ZNF44: variants seen among roughly 807,000 people sequenced by gnomAD.
The protein encoded by ZNF44 is zinc finger protein 44.
A neutral mutation model predicts 11.7 loss-of-function variants in ZNF44; 9 were observed. The observed-to-expected ratio is 0.77, with a 90% confidence interval of 0.46 to 1.35. The LOEUF is 1.35. ZNF44 is among the 40% of genes most tolerant of loss of function. The probability of loss-of-function intolerance (pLI) is 0.00; values close to 1 mark genes in which losing one functional copy is unlikely to be tolerated. For synonymous variants in ZNF44, 224 were observed against 242.7 expected (o/e 0.92, Z 0.72); for missense variants, 696 against 743.1 (o/e 0.94, Z 0.74).
intron 5 of ZNF44, chr19:12,260,546 C>T (rs1917466786): frequency 1.1e-5 from 9 of 836,890 alleles, no homozygotes; most frequent in Non-Finnish European, 1.2e-5. Context: ...GAGCCCCCTG[C>T]CCCCAAAGCA....
At chr19:12,251,188 G>A (rs1916976725) in intron 5 of ZNF44, among the ~76,000 whole-genome samples, 2 of 152,048 alleles carry the variant, frequency 1.3e-5, no homozygotes, top group African/African-American at 2.4e-5. Flanking sequence ...AAAATTAGCT[G>A]GGTGTGGTGG....
intron 5 of ZNF44, among the ~76,000 whole-genome samples, chr19:12,255,153 A>T (rs1917193582): frequency 6.6e-6 from 1 of 152,054 alleles, no homozygotes; most frequent in Admixed American, 6.6e-5. Flanking sequence ...GGACACAGCA[A>T]AAGTATATAC....
intron 2 of ZNF44, among the ~76,000 whole-genome samples, chr19:12,234,134 G>A (rs1048211772): frequency 8.3e-4 from 126 of 151,908 alleles, no homozygotes; most frequent in African/African-American, 2.9e-3. Flanking sequence ...ATTGCTACCA[G>A]TATCACAGAA....
At chr19:12,292,348 T>A (rs1466333540) in intron 1 of ZNF44, among the ~76,000 whole-genome samples, 1 of 152,158 alleles carries the variant, frequency 6.6e-6, no homozygotes, top group Non-Finnish European at 1.5e-5. Context: ...AATAGAAAAC[T>A]ACATATATAT....
At chr19:12,238,799 A>G (rs1364406859), upstream of ZNF44, among the ~76,000 whole-genome samples, 1 of 152,136 alleles carries the variant, frequency 6.6e-6, no homozygotes, top group East Asian at 1.9e-4. Flanking sequence ...TCATTTCAAA[A>G]AATGGGAAGA....
chr19:12,267,036 C>CTTTT (rs958864582), downstream of ZNF44, among the ~76,000 whole-genome samples: 1 of 147,656 alleles, frequency 6.8e-6, no homozygotes, highest in Non-Finnish European at 1.5e-5. Context: ...CTCATTTTTT[C>CTTTT]TTTTTTCTTT....
chr19:12,278,815 A>G (rs1967343109), intron 1 of ZNF44, among the ~76,000 whole-genome samples: 1 of 152,202 alleles, frequency 6.6e-6, no homozygotes, highest in Non-Finnish European at 1.5e-5. Context: ...AGCATATTTG[A>G]AAGCACCCAG....
rs1967072748 is a variant in ZNF44, at chr19:12,273,571, C to T, written c.684G>A (p.Lys228=). The T allele has an allele frequency of 6.2e-7, 1 of 1,613,716 alleles. No individual in the cohort carries two copies. The highest frequency in any genetic ancestry group is 1.1e-5 in the South Asian group (1 of 91,054). Residue 228 remains lysine, a synonymous_variant, in exon 4 of 4, where the codon AAG becomes AAA. Transcript: ENST00000355684. ...AAACAGGGAAGGCTTTAGAACACTG[C>T]TTACATTCATATGGTTTCTCTCCAG... ...THTGEKPYEC[K]QCSKAFPVYS... is the part of the protein sequence containing the mutation.
chr19:12,260,832 G>C (rs551213157), intron 5 of ZNF44, among the ~76,000 whole-genome samples: 1 of 152,270 alleles, frequency 6.6e-6, no homozygotes, highest in Non-Finnish European at 1.5e-5. Flanking sequence ...TGTGCTCCCA[G>C]TAAGCAGCAG....
intron 5 of ZNF44, among the ~76,000 whole-genome samples, chr19:12,253,891 A>C (rs1843582631): frequency 6.6e-6 from 1 of 152,122 alleles, no homozygotes. Context: ...ATGCAGGAGA[A>C]TCGCTTGAAC....
intron 1 of ZNF44, among the ~76,000 whole-genome samples, chr19:12,290,156 C>T (rs569455843): frequency 5.4e-4 from 82 of 152,016 alleles, no homozygotes; most frequent in South Asian, 2.1e-4. Flanking sequence ...GAGGCCAAGG[C>T]GGGCAGATCA....
chr19:12,234,257 C>G (rs975086882), intron 2 of ZNF44, among the ~76,000 whole-genome samples: 12 of 152,112 alleles, frequency 7.9e-5, no homozygotes, highest in Non-Finnish European at 1.8e-4. Context: ...TATGAAGTTT[C>G]TTAGTTCTGT....
intron 5 of ZNF44, among the ~76,000 whole-genome samples, chr19:12,264,586 A>C (rs1354678165): frequency 2.0e-5 from 3 of 152,382 alleles, no homozygotes; most frequent in Non-Finnish European, 4.4e-5. Flanking sequence ...TCCTTTTGGA[A>C]AATGAAGTTA....
chr19:12,260,228 C>T (rs1818729927), intron 5 of ZNF44: 2 of 789,992 alleles, frequency 2.5e-6, no homozygotes, highest in African/African-American at 3.4e-5. Flanking sequence ...TTGAAGGCCC[C>T]AGCTCCTTCC....
upstream of ZNF44, among the ~76,000 whole-genome samples, chr19:12,239,071 C>T (rs974878924): frequency 6.6e-6 from 1 of 152,146 alleles, no homozygotes; most frequent in Non-Finnish European, 1.5e-5. Context: ...ATCATAAACC[C>T]ATTCTCCAGA....
Position 12,272,180 on chromosome 19 carries a change from A to AT in ZNF44, c.*226dup. The AT allele has an allele frequency of 1.8e-6, 1 of 544,050 alleles. No homozygotes were observed. The highest frequency in any genetic ancestry group is 2.6e-6 in the Non-Finnish European group (1 of 379,038). 33.7% of individuals were successfully genotyped at this position (544,050 alleles called of 1,614,324 possible). The stretch of plus-strand genomic sequence containing the variant: ...CCTGGCTATTTTTTTTTTTTTCCGT[A>AT]TTTTTAGTAGAGACAGGGTTTCCCA... On this transcript the variant is annotated 3_prime_UTR_variant, in exon 4 of 4. Coordinates refer to ENST00000355684, the MANE Select transcript of ZNF44 (RefSeq NM_016264.4).
At chr19:12,279,289 G>A (rs1017982199) in intron 1 of ZNF44, among the ~76,000 whole-genome samples, 1 of 152,140 alleles carries the variant, frequency 6.6e-6, no homozygotes, top group African/African-American at 2.4e-5. Flanking sequence ...GGGAGGCTGA[G>A]GGAGGAGGAC....
intron 2 of ZNF44, 78 bp from the exon 3 acceptor site, chr19:12,275,111 C>T (rs1457088991): frequency 2.9e-5 from 31 of 1,060,066 alleles, no homozygotes; most frequent in Non-Finnish European, 3.5e-5. Context: ...ATGTACACTA[C>T]AATCATGTAT....
intron 1 of ZNF44, among the ~76,000 whole-genome samples, chr19:12,286,711 G>A (rs1967767664): frequency 6.6e-6 from 1 of 151,620 alleles, no homozygotes; most frequent in African/African-American, 2.4e-5. Flanking sequence ...AGCACTTTGG[G>A]AGGCTGAGGC....
Sources: gnomAD v4.1 joint callset for allele counts (sites outside exome capture counted in the v4.1 genomes callset) on GRCh38, gnomAD v4.1.1 for gene constraint, MANE v1.5 for transcripts, NCBI Gene and HGNC (gene_info 2026-07-23, HGNC 2026-07-21) for gene names.